SCNN1B: variants seen among roughly 807,000 people sequenced by gnomAD.
SCNN1B encodes sodium channel epithelial 1 subunit beta.
A neutral mutation model predicts 65.3 loss-of-function variants in SCNN1B; 46 were observed. The ratio of observed to expected loss-of-function variants is 0.70; its 90% CI spans 0.56 to 0.90. The LOEUF (loss-of-function observed/expected upper bound fraction) is 0.90, where lower values mean the gene tolerates loss of function less well. Ranked by LOEUF, SCNN1B falls within the 40% of genes least tolerant of loss-of-function variation. The pLI is 0.00. For synonymous variants in SCNN1B, 349 were observed against 330.6 expected (o/e 1.06, Z -0.60); for missense variants, 751 against 830.5 (o/e 0.90, Z 1.18).
At position 23,353,319 on chromosome 16, in the gene SCNN1B, A is replaced by C; in HGVS notation, c.585+245A>C. The C allele has an allele frequency of 5.3e-6, 3 of 565,110 alleles. No homozygotes were observed. The South Asian group carries it at 6.2e-5, about 12-fold the overall frequency. The allele number at this position is 565,110 out of a possible 1,614,324, so 35.0% of individuals were successfully genotyped here. A position where few individuals can be genotyped will look rare whatever the true frequency, so the allele number is the denominator to read the frequency against. On this transcript the variant is annotated intron_variant, in intron 3 of 12. Coordinates refer to ENST00000343070, the MANE Select transcript of SCNN1B (RefSeq NM_000336.3). Reference sequence around the variant, plus strand: ...AACAGGCGATTCATTGGCTCACATGACTAAGAAATCCAGAGGTATACTGCA... The same window carrying C: ...AACAGGCGATTCATTGGCTCACATGCCTAAGAAATCCAGAGGTATACTGCA...
At chr16:23,282,608 G>A (rs1238085580) in intron 1 of SCNN1B, among the ~76,000 whole-genome samples, 1 of 152,154 alleles carries the variant, frequency 6.6e-6, no homozygotes, top group Non-Finnish European at 1.5e-5. Context: ...GTGGGGCTTG[G>A]ACACTGGACC....
intron 2 of SCNN1B, among the ~76,000 whole-genome samples, chr16:23,286,479 G>A (rs1960852612): frequency 6.6e-6 from 1 of 152,328 alleles, no homozygotes; most frequent in South Asian, 2.1e-4. Context: ...TCTTAGCTTC[G>A]CTAATGAGAC....
At chr16:23,365,587 G>GAGAAAGAAAGAAAGAA (rs1555488905) in intron 4 of SCNN1B, among the ~76,000 whole-genome samples, 4 of 86,958 alleles carry the variant, frequency 4.6e-5, no homozygotes, top group East Asian at 6.3e-4. Context: ...AAGAAAGAAA[G>GAGAAAGAAAGAAAGAA]AGAAAGAAAG....
At chr16:23,361,484 A>G (rs1050046532) in intron 4 of SCNN1B, among the ~76,000 whole-genome samples, 3 of 152,226 alleles carry the variant, frequency 2.0e-5, no homozygotes, top group African/African-American at 7.2e-5. Context: ...AATATATATT[A>G]TTTGGAATTC....
Position 23,327,194 on chromosome 16 carries a change from G to A in SCNN1B, c.-8-21398G>A, listed in dbSNP as rs532459512. On this transcript the variant is annotated intron_variant, in intron 1 of 12. Transcript: ENST00000343070. ...GACCTCTCAAAGTGCTGGGATTACA[G>A]ACAGGAGCCACCATGCCTGGCCTAA... Among the ~76,000 whole-genome samples, 29 of 152,220 alleles carry A rather than the reference G, an allele frequency of 1.9e-4. No homozygotes were observed. The South Asian group carries it at 6.0e-3, about 32-fold the overall frequency.
chr16:23,306,262 G>T (rs998560778), intron 1 of SCNN1B, among the ~76,000 whole-genome samples: 1 of 151,544 alleles, frequency 6.6e-6, no homozygotes, highest in Non-Finnish European at 1.5e-5. Flanking sequence ...AAAAACCTAT[G>T]TTTCAAGCAA....
At position 23,332,194 on chromosome 16, in the gene SCNN1B, CT is replaced by C. The variant is rs747733122; in HGVS notation, c.-8-16386del. On this transcript the variant is annotated intron_variant, in intron 1 of 12. Coordinates refer to ENST00000343070, the MANE Select transcript of SCNN1B (RefSeq NM_000336.3). ...CAGGCACATGCCATCATGCCCAGCT[CT>C]TTTTTTTTTTTCTTTTTTGAGATGG... Among the ~76,000 whole-genome samples the C allele has an allele frequency of 6.6e-3, 965 of 145,254 alleles. 8 individuals are homozygous for C. The highest frequency in any genetic ancestry group is 0.02 in the African/African-American group (804 of 39,828).
intron 7 of SCNN1B, among the ~76,000 whole-genome samples, chr16:23,372,707 C>G (rs1962810537): frequency 6.7e-6 from 1 of 148,514 alleles, no homozygotes; most frequent in South Asian, 2.2e-4. Flanking sequence ...GTTGGCCAGG[C>G]TGGTCTTGAA....
Position 23,295,714 on chromosome 16 carries a change from A to G in SCNN1B, n.178+11910A>G, listed in dbSNP as rs147820616. ...TTCAGCAGTTTGAAAATGACAGAAT[A>G]TATATTATCATTCATTTCACCCCTG... On this transcript the variant is annotated intron_variant and non_coding_transcript_variant, in intron 2 of 3. Coordinates refer to the SCNN1B transcript ENST00000569789. Among the ~76,000 whole-genome samples, 393 of 152,236 alleles carry G rather than the reference A, an allele frequency of 2.6e-3. 2 individuals are homozygous for G. The highest frequency in any genetic ancestry group is 9.0e-3 in the African/African-American group (374 of 41,538).
intron 1 of SCNN1B, among the ~76,000 whole-genome samples, chr16:23,321,701 G>GCGGA (rs921859512): frequency 6.6e-6 from 1 of 152,134 alleles, no homozygotes; most frequent in African/African-American, 2.4e-5. Context: ...TAGGTACTCC[G>GCGGA]CGGACGGTGG....
chr16:23,333,290 C>T (rs1004426698), intron 1 of SCNN1B, among the ~76,000 whole-genome samples: 1 of 152,292 alleles, frequency 6.6e-6, no homozygotes, highest in African/African-American at 2.4e-5. Context: ...CAGCTGTTTG[C>T]AGTTGTTGTC....
At chr16:23,361,461 T>C (rs1962552355) in intron 4 of SCNN1B, among the ~76,000 whole-genome samples, 1 of 152,200 alleles carries the variant, frequency 6.6e-6, no homozygotes, top group African/African-American at 2.4e-5. Context: ...GCTCCACCCC[T>C]CCTAGAGAGA....
chr16:23,339,858 C>A (rs147122252), intron 1 of SCNN1B, among the ~76,000 whole-genome samples: 150 of 152,104 alleles, frequency 9.9e-4, no homozygotes, highest in African/African-American at 3.3e-3. Flanking sequence ...TGAGCCACCG[C>A]GCCTGGCAAC....
chr16:23,310,200 G>A (rs1961310755), intron 1 of SCNN1B, among the ~76,000 whole-genome samples: 1 of 147,870 alleles, frequency 6.8e-6, no homozygotes, highest in Non-Finnish European at 1.5e-5. Flanking sequence ...AGCATAGTGA[G>A]ACCCTGTCTC....
intron 1 of SCNN1B, among the ~76,000 whole-genome samples, chr16:23,335,459 CTTT>C (rs34325892): frequency 1.3e-4 from 18 of 137,512 alleles, no homozygotes; most frequent in East Asian, 4.3e-4. Flanking sequence ...CCTGTATTTT[CTTT>C]TTTTTTTTTT....
chr16:23,300,272 A>G (rs1421697150), upstream of SCNN1B, among the ~76,000 whole-genome samples: 1 of 152,132 alleles, frequency 6.6e-6, no homozygotes, highest in Non-Finnish European at 1.5e-5. Flanking sequence ...GCAAACCACC[A>G]TGGCACGTGT....
intron 1 of SCNN1B, among the ~76,000 whole-genome samples, chr16:23,330,929 G>A (rs1245055387): frequency 2.0e-5 from 3 of 152,114 alleles, no homozygotes; most frequent in African/African-American, 7.2e-5. Context: ...CCCGGGTTAT[G>A]GCTTCACATC....
chr16:23,365,494 GAAAGA>G (rs1280477854), intron 4 of SCNN1B, among the ~76,000 whole-genome samples: 1 of 116,388 alleles, frequency 8.6e-6, no homozygotes, highest in Non-Finnish European at 1.9e-5. Context: ...AAGAAGAAAA[GAAAGA>G]AAAAGAAAGA....
intron 1 of SCNN1B, among the ~76,000 whole-genome samples, chr16:23,306,901 A>G (rs73542338): frequency 0.062 from 9,503 of 152,260 alleles, 1,007 homozygotes; most frequent in African/African-American, 0.22. Context: ...GCAGGAATAG[A>G]GATGAGCATT....
Sources: gnomAD v4.1 joint callset for allele counts (sites outside exome capture counted in the v4.1 genomes callset) on GRCh38, gnomAD v4.1.1 for gene constraint, MANE v1.5 for transcripts, NCBI Gene and HGNC (gene_info 2026-07-23, HGNC 2026-07-21) for gene names.